The following VPS39 variants were observed in gnomAD, a reference collection of about 807,000 sequenced individuals.
VPS39 encodes the protein vam6/Vps39-like protein.
Under a neutral mutation model 121.0 loss-of-function variants are expected in VPS39, and 70 were observed. The observed-to-expected ratio is 0.58, with a 90% CI of 0.48 to 0.71. The LOEUF is 0.71. Among genes scored for constraint, VPS39 ranks in the 30% least tolerant of loss-of-function variants. The pLI is 0.00. For synonymous variants in VPS39, 378 were observed against 398.1 expected, an observed-to-expected ratio of 0.95 and a Z score of 0.60; for missense variants, 818 against 1,051.5, an observed-to-expected ratio of 0.78 and a Z score of 3.07.
Position 42,184,830 on chromosome 15 carries a change from A to G in VPS39, c.535-130T>C. ...CTTGTTTGACATAAGAAAATGTTAC[A>G]GAGTTTATTATAATAACCGTTGTTA... On this transcript the variant is annotated intron_variant, in intron 7 of 24. Coordinates refer to ENST00000318006, the MANE Select transcript of VPS39 (RefSeq NM_015289.5). 5 of 889,896 alleles carry G rather than the reference A, an allele frequency of 5.6e-6. No homozygotes were observed. The South Asian group carries it at 8.7e-5, about 15-fold the overall frequency. The allele number at this position is 889,896 out of a possible 1,614,324, so 55.1% of individuals were successfully genotyped here. A position where few individuals can be genotyped will look rare whatever the true frequency, so the allele number is the denominator to read the frequency against.
rs1406478958 is a variant in VPS39 at position 42,169,881 on chromosome 15, A to G, written c.1091-15T>C. 6.9e-6 allele frequency: 11 copies of G among 1,603,364 alleles called. No homozygotes were observed. The highest frequency in any genetic ancestry group is 3.4e-4 in the Middle Eastern group (2 of 5,798). The stretch of plus-strand genomic sequence containing the variant: ...ATGGGTGGGATCTATATGGAAGGTA[A>G]ACATGATTCCTCTGGAAAGGAGCCC... On this transcript the variant is annotated splice_polypyrimidine_tract_variant and intron_variant, in intron 11 of 24. Transcript: ENST00000318006.
rs377240472 is a variant in VPS39 at position 42,162,383 on chromosome 15, C to T, written c.2274G>A (p.Gln758=). The T allele has an allele frequency of 1.2e-6, 2 of 1,612,290 alleles. No homozygotes were observed. Among genetic ancestry groups the T allele is most frequent in the African/African-American group, 2.7e-5 (2 of 74,518 alleles). ...LELLEPKANL[Q]AALQVLELHH... is the part of the protein sequence containing the mutation. ...GTAGCTCGAGGACCTGCAGAGCGGC[C>T]TGGAGGTTGGCTTTTGGCTCCAGTA... The change falls in exon 22 of 25, where the codon CAG becomes CAA. Residue 758 remains glutamine (Q), a synonymous_variant. Transcript: ENST00000318006.
chr15:42,162,818 G>T, intron 21 of VPS39: 1 of 245,342 alleles, frequency 4.1e-6, no homozygotes, highest in Non-Finnish European at 7.9e-6. Flanking sequence ...TTGCAGGTGG[G>T]GATATCCTAA....
chr15:42,198,987 G>A (rs749184501), intron 2 of VPS39, among the ~76,000 whole-genome samples: 5 of 152,074 alleles, frequency 3.3e-5, no homozygotes, highest in Non-Finnish European at 5.9e-5. Flanking sequence ...TCTCTTTCCC[G>A]AGTGCACTAG....
intron 1 of VPS39, among the ~76,000 whole-genome samples, chr15:42,205,338 C>G (rs1206829429): frequency 1.3e-5 from 2 of 152,122 alleles, no homozygotes; most frequent in African/African-American, 4.8e-5. Context: ...ATGTGGCAAT[C>G]TCTTTTATAT....
intron 8 of VPS39, among the ~76,000 whole-genome samples, chr15:42,179,849 A>G (rs1251743291): frequency 6.6e-6 from 1 of 152,130 alleles, no homozygotes; most frequent in Non-Finnish European, 1.5e-5. Flanking sequence ...TCCTCAGTGC[A>G]AAAGTGTTGG....
At chr15:42,192,082 T>C (rs1199400158) in intron 2 of VPS39, 1 of 1,536,334 alleles carries the variant, frequency 6.5e-7, no homozygotes, top group Non-Finnish European at 8.7e-7. Context: ...TTTCAGGTGA[T>C]GCTACATCTG....
chr15:42,161,068 A>G (rs2140830547), intron 24 of VPS39: 1 of 511,114 alleles, frequency 2.0e-6, no homozygotes, highest in Non-Finnish European at 3.5e-6. Flanking sequence ...TTTTTTTATT[A>G]TGCAAAACAC....
At chr15:42,178,742 C>T (rs943367494) in intron 8 of VPS39, 172 bp from the exon 9 acceptor site, 37 of 959,230 alleles carry the variant, frequency 3.9e-5, no homozygotes, top group Non-Finnish European at 4.9e-5. Flanking sequence ...AAAAAATTGG[C>T]CTGTAATCCC....
chr15:42,191,393 A>C, intron 3 of VPS39, 103 bp downstream of exon 3: 2 of 1,258,234 alleles, frequency 1.6e-6, no homozygotes, highest in Non-Finnish European at 2.3e-6. Flanking sequence ...AGAAGGTCAA[A>C]GAGAAGAGGA....
At chr15:42,193,267 T>C (rs1319166909) in intron 2 of VPS39, among the ~76,000 whole-genome samples, 3 of 152,164 alleles carry the variant, frequency 2.0e-5, no homozygotes, top group African/African-American at 7.2e-5. Context: ...AAAATAACAA[T>C]AATAACCCCA....
At chr15:42,191,897 G>GT (rs1020837365) in intron 2 of VPS39, among the ~76,000 whole-genome samples, 1 of 152,250 alleles carries the variant, frequency 6.6e-6, no homozygotes, top group African/African-American at 2.4e-5. Flanking sequence ...GGTGTAAAAA[G>GT]TAACAGTCAA....
chr15:42,164,945 G>T (rs776217592), intron 18 of VPS39, 51 bp downstream of exon 18: 3 of 1,611,078 alleles, frequency 1.9e-6, no homozygotes, highest in Non-Finnish European at 1.7e-6. Flanking sequence ...ACCTGGGTCT[G>T]TGCTCTCCTC....
In VPS39 at chr15:42,163,343, T is replaced by C; in HGVS notation, c.2175+7A>G. ...CACGTGCTCCCTGGGTCAGGGTCACTACTCACATCTTTGTTGCCATCTTTG... is the reference window on the plus strand; with the variant it reads ...CACGTGCTCCCTGGGTCAGGGTCACCACTCACATCTTTGTTGCCATCTTTG... On this transcript the variant is annotated splice_region_variant and intron_variant, in intron 21 of 24. Transcript: ENST00000318006. 5 of 1,614,222 alleles carry C rather than the reference T, an allele frequency of 3.1e-6. No homozygotes were observed. The highest frequency in any genetic ancestry group is 4.2e-6 in the Non-Finnish European group (5 of 1,180,022).
intron 16 of VPS39, 126 bp from the exon 17 acceptor site, chr15:42,165,942 G>A (rs2049233605): frequency 2.1e-6 from 2 of 967,906 alleles, no homozygotes; most frequent in Admixed American, 4.2e-5. Flanking sequence ...GGCATCTGTA[G>A]GCAGTCAGCA....
At chr15:42,190,827 G>T (rs1047176331) in intron 4 of VPS39, among the ~76,000 whole-genome samples, 1 of 152,170 alleles carries the variant, frequency 6.6e-6, no homozygotes, top group Non-Finnish European at 1.5e-5. Context: ...CTCAAAGATA[G>T]CAACTATGTC....
chr15:42,186,444 T>C (rs1255916778), intron 7 of VPS39, among the ~76,000 whole-genome samples: 2 of 151,848 alleles, frequency 1.3e-5, no homozygotes. Flanking sequence ...CTGTCTCAAA[T>C]AAAATAAAAT....
chr15:42,181,724 G>A (rs1384597470), intron 8 of VPS39, among the ~76,000 whole-genome samples: 1 of 127,990 alleles, frequency 7.8e-6, no homozygotes, highest in Non-Finnish European at 1.7e-5. Flanking sequence ...TTTTTTTTTT[G>A]AGACAGAGTC....
At chr15:42,165,664 C>T (rs1481521647) in intron 17 of VPS39, 54 bp downstream of exon 17, 8 of 1,415,692 alleles carry the variant, frequency 5.7e-6, no homozygotes, top group African/African-American at 1.4e-5. Context: ...CAGAACCACG[C>T]AGTCCTGGAT....
Sources: allele counts gnomAD v4.1 joint callset (sites outside exome capture counted in the v4.1 genomes callset), GRCh38; gene constraint gnomAD v4.1.1; transcripts MANE v1.5; gene names NCBI Gene and HGNC (gene_info 2026-07-23, HGNC 2026-07-21).